APIP: variants seen among roughly 807,000 people sequenced by gnomAD.
APIP encodes the protein APAF1 interacting protein, also known as methylthioribulose-1-phosphate dehydratase.
A neutral mutation model predicts 32.0 loss-of-function variants in APIP; 32 were observed. That is an observed-to-expected ratio of 1.00 (90% CI 0.76 to 1.34). The LOEUF (loss-of-function observed/expected upper bound fraction) is 1.34, where lower values mean the gene tolerates loss of function less well. Among genes scored for constraint, APIP ranks in the 40% most tolerant of loss-of-function variants. The pLI is 0.00. For missense variants in APIP, 247 were observed against 298.6 expected (o/e 0.83, Z 1.27); for synonymous variants, 92 against 94.8 (o/e 0.97, Z 0.17).
At chr11:34,884,633 G>C (rs779335361) in intron 5 of APIP, among the ~76,000 whole-genome samples, 2 of 152,026 alleles carry the variant, frequency 1.3e-5, no homozygotes, top group Non-Finnish European at 2.9e-5. Flanking sequence ...ACTGAGGTGA[G>C]AGAATGGCTT....
intron 5 of APIP, among the ~76,000 whole-genome samples, chr11:34,884,733 A>C (rs1428642462): frequency 4.6e-5 from 7 of 151,628 alleles, no homozygotes; most frequent in Non-Finnish European, 8.8e-5. Context: ...CAAAAAAAAA[A>C]GAAAAAAGTA....
At chr11:34,885,306 C>T (rs1015286150) in intron 5 of APIP, among the ~76,000 whole-genome samples, 7 of 149,422 alleles carry the variant, frequency 4.7e-5, no homozygotes, top group African/African-American at 1.7e-4. Flanking sequence ...TATATATATA[C>T]ACATATATAG....
At chr11:34,898,422 G>A (rs980599486) in intron 1 of APIP, among the ~76,000 whole-genome samples, 1 of 152,122 alleles carries the variant, frequency 6.6e-6, no homozygotes, top group Admixed American at 6.5e-5. Flanking sequence ...ACCATCGCGT[G>A]AGGCTGGGAA....
intron 1 of APIP, among the ~76,000 whole-genome samples, chr11:34,911,367 C>T (rs1409959838): frequency 1.3e-5 from 2 of 152,136 alleles, no homozygotes; most frequent in African/African-American, 4.8e-5. Flanking sequence ...GAAGTAGTCC[C>T]TACCTGGTTT....
At chr11:34,886,520 C>T (rs913231186) in intron 5 of APIP, among the ~76,000 whole-genome samples, 3 of 152,062 alleles carry the variant, frequency 2.0e-5, no homozygotes, top group East Asian at 1.9e-4. Context: ...CAATAAATTT[C>T]GTGTAGCCTA....
intron 1 of APIP, among the ~76,000 whole-genome samples, chr11:34,899,680 G>C (rs1208230950): frequency 6.6e-6 from 1 of 152,186 alleles, no homozygotes; most frequent in East Asian, 1.9e-4. Context: ...TATAAGCAGA[G>C]GACTAGAGCT....
intron 1 of APIP, among the ~76,000 whole-genome samples, chr11:34,898,189 G>A (rs1181730448): frequency 6.6e-6 from 1 of 152,034 alleles, no homozygotes; most frequent in Non-Finnish European, 1.5e-5. Context: ...CTTAAAATCT[G>A]TTCTATCATT....
intron 1 of APIP, among the ~76,000 whole-genome samples, chr11:34,912,654 G>A (rs1035064955): frequency 6.6e-6 from 1 of 152,178 alleles, no homozygotes; most frequent in Non-Finnish European, 1.5e-5. Flanking sequence ...AGAAAAATGT[G>A]AAAAGGGAGA....
intron 6 of APIP, among the ~76,000 whole-genome samples, 198 bp from the exon 7 acceptor site, chr11:34,883,014 T>C (rs1218529878): frequency 7.9e-5 from 12 of 152,210 alleles, no homozygotes; most frequent in Non-Finnish European, 2.9e-5. Flanking sequence ...CATGCAACAA[T>C]ATTACATACC....
At chr11:34,901,339 C>T (rs775771722) in intron 1 of APIP, among the ~76,000 whole-genome samples, 4 of 151,244 alleles carry the variant, frequency 2.6e-5, no homozygotes, top group East Asian at 1.9e-4. Flanking sequence ...CCCCCAGAGA[C>T]GGAGGTCACT....
intron 2 of APIP, among the ~76,000 whole-genome samples, chr11:34,891,541 G>A (rs1565134227): frequency 6.6e-6 from 1 of 152,158 alleles, no homozygotes; most frequent in Non-Finnish European, 1.5e-5. Context: ...TAGTGTAAAT[G>A]AGGATGATGG....
chr11:34,883,190 T>C, intron 6 of APIP, 147 bp downstream of exon 6: 6 of 856,574 alleles, frequency 7.0e-6, no homozygotes, highest in Non-Finnish European at 1.0e-5. Context: ...ATCCAATCAA[T>C]ACTTCTTCAT....
intron 1 of APIP, among the ~76,000 whole-genome samples, chr11:34,905,621 G>A (rs1853436738): frequency 1.3e-5 from 2 of 152,166 alleles, no homozygotes; most frequent in Admixed American, 1.3e-4. Flanking sequence ...CATCATACTT[G>A]TAATTGATGT....
chr11:34,890,408 T>C (rs1264890120), intron 3 of APIP, 96 bp downstream of exon 3: 12 of 1,187,734 alleles, frequency 1.0e-5, no homozygotes, highest in Non-Finnish European at 1.3e-5. Flanking sequence ...CAAATTGCTA[T>C]GATAAAATGA....
At chr11:34,884,599 C>A (rs1283258277) in intron 5 of APIP, among the ~76,000 whole-genome samples, 1 of 152,082 alleles carries the variant, frequency 6.6e-6, no homozygotes, top group African/African-American at 2.4e-5. Flanking sequence ...GTGGTGCATG[C>A]CTGTAGTCCC....
intron 1 of APIP, among the ~76,000 whole-genome samples, chr11:34,898,051 T>C (rs1304552440): frequency 6.6e-6 from 1 of 152,136 alleles, no homozygotes; most frequent in Non-Finnish European, 1.5e-5. Context: ...TGTGTCCATG[T>C]TATTTATCTA....
At chr11:34,896,746 G>T in intron 1 of APIP, 1 of 1,088,982 alleles carries the variant, frequency 9.2e-7, no homozygotes. Context: ...CAACAACAAA[G>T]GAAAATGAGA....
At chr11:34,905,919 A>T (rs1435746036) in intron 1 of APIP, among the ~76,000 whole-genome samples, 1 of 152,160 alleles carries the variant, frequency 6.6e-6, no homozygotes, top group African/African-American at 2.4e-5. Context: ...TTGCCACAGG[A>T]TCATCTGAGA....
At chr11:34,912,555 G>A (rs1243217389) in intron 1 of APIP, among the ~76,000 whole-genome samples, 1 of 152,188 alleles carries the variant, frequency 6.6e-6, no homozygotes, top group African/African-American at 2.4e-5. Context: ...TTAACATTTT[G>A]AGTCAGTGGG....
Sources: gnomAD v4.1 joint callset for allele counts (sites outside exome capture counted in the v4.1 genomes callset) on GRCh38, gnomAD v4.1.1 for gene constraint, MANE v1.5 for transcripts, NCBI Gene and HGNC (gene_info 2026-07-23, HGNC 2026-07-21) for gene names.